ZNF787: variants seen among roughly 807,000 people sequenced by gnomAD.
The protein encoded by ZNF787 is zinc finger protein 787, also known as TTF-I-interacting peptide 20.
A neutral mutation model predicts 16.9 loss-of-function variants in ZNF787; 7 were observed. The ratio of observed to expected loss-of-function variants is 0.42; its 90% CI spans 0.24 to 0.78. ZNF787 has a LOEUF of 0.78. ZNF787 is among the 30% of genes least tolerant of loss of function. The probability of loss-of-function intolerance (pLI) is 0.30; values close to 1 mark genes in which losing one functional copy is unlikely to be tolerated. For synonymous variants in ZNF787, 345 were observed against 270.9 expected (o/e 1.27, Z -2.69); for missense variants, 551 against 589.3 (o/e 0.94, Z 0.67).
At chr19:56,089,953 G>C (rs1449327807) in intron 2 of ZNF787, among the ~76,000 whole-genome samples, 2 of 152,158 alleles carry the variant, frequency 1.3e-5, no homozygotes, top group African/African-American at 4.8e-5. Flanking sequence ...TTCTACATTT[G>C]CTCTCCCTTG....
Position 56,096,810 on chromosome 19 carries a change from A to C in ZNF787, c.79+6329T>G, listed in dbSNP as rs57282625. ...CCCGTGCTCACCCGAGGGCAGCCAG[A>C]ACTCCAGCTGTAAGACACCGGCTGA... is the stretch of plus-strand genomic sequence containing the variant. On this transcript the variant is annotated intron_variant, in intron 2 of 2. Coordinates refer to ENST00000610935, the MANE Select transcript of ZNF787 (RefSeq NM_001002836.4). Among the ~76,000 whole-genome samples, 232 of 152,348 alleles carry C rather than the reference A, an allele frequency of 1.5e-3. 7 individuals are homozygous for C. In the East Asian group the frequency reaches 0.042, roughly 28 times the overall value.
chr19:56,118,731 G>C (rs536345216), intron 1 of ZNF787, among the ~76,000 whole-genome samples: 2 of 152,302 alleles, frequency 1.3e-5, no homozygotes, highest in East Asian at 3.9e-4. Flanking sequence ...CACTAGGCTG[G>C]AGGCCTCAGG....
chr19:56,088,399 G>T lies in ZNF787; in HGVS notation c.773C>A (p.Ala258Asp). 1 of 1,107,406 alleles carries T rather than the reference G, an allele frequency of 9.0e-7. No individual in the cohort carries two copies. Among genetic ancestry groups the T allele is most frequent in the Non-Finnish European group, 1.1e-6 (1 of 909,038 alleles). The allele number at this position is 1,107,406 out of a possible 1,614,324, so 68.6% of individuals were successfully genotyped here. A position where few individuals can be genotyped will look rare whatever the true frequency, so the allele number is the denominator to read the frequency against. Reference sequence around the variant, plus strand: ...GGCCTTTGCCCCCGCGCCCGCCATGGCTGCCGCGGCCGCGGCCCCCTCGCC... The same window carrying T: ...GGCCTTTGCCCCCGCGCCCGCCATGTCTGCCGCGGCCGCGGCCCCCTCGCC... ...APGEGAAAAA[A>D]MAGAGAKAAG... Residue 258 changes from alanine to aspartate, a missense_variant, in exon 3 of 3, where the codon GCC becomes GAC. Ala to Asp is a moderately radical substitution (Grantham distance 126). This residue lies in a region of ZNF787 where 392 missense variants were observed against 312.7 expected (regional missense o/e 1.25). Coordinates refer to ENST00000610935, the MANE Select transcript of ZNF787 (RefSeq NM_001002836.4). This position sits in a 1 kb window ranked among gnomAD's most constrained non-coding sequence, Gnocchi z 8.6.
chr19:56,111,103 C>T (rs771848308), intron 1 of ZNF787, among the ~76,000 whole-genome samples: 1 of 152,218 alleles, frequency 6.6e-6, no homozygotes, highest in Non-Finnish European at 1.5e-5. Context: ...GTTCCTAAAG[C>T]CTAAAATGTT....
intron 2 of ZNF787, among the ~76,000 whole-genome samples, chr19:56,093,684 C>T (rs376094226): frequency 1.3e-5 from 2 of 152,168 alleles, no homozygotes; most frequent in Non-Finnish European, 2.9e-5. Context: ...TGTCTGTACC[C>T]TTCCCATCTG....
Position 56,087,939 on chromosome 19 carries a change from T to G in ZNF787, c.*84A>C, listed in dbSNP as rs989269240. The stretch of plus-strand genomic sequence containing the variant: ...CGGGGTCCATCGCACCCCGTCCGCT[T>G]CTCCCTGGGTCTCTTGGTCTTGCAC... On this transcript the variant is annotated 3_prime_UTR_variant, in exon 3 of 3. Coordinates refer to ENST00000610935, the MANE Select transcript of ZNF787 (RefSeq NM_001002836.4). 2.7e-5 allele frequency: 35 copies of G among 1,287,574 alleles called. No individual in the cohort carries two copies. The highest frequency in any genetic ancestry group is 1.8e-4 in the African/African-American group (11 of 62,674). The allele number at this position is 1,287,574 out of a possible 1,614,324, so 79.8% of individuals were successfully genotyped here. A position where few individuals can be genotyped will look rare whatever the true frequency, so the allele number is the denominator to read the frequency against.
chr19:56,108,484 C>T (rs905968441), intron 1 of ZNF787, among the ~76,000 whole-genome samples: 1 of 151,960 alleles, frequency 6.6e-6, no homozygotes, highest in African/African-American at 2.4e-5. Context: ...AGGTGAGGGC[C>T]ACCTCCTCAG....
rs749786753 is a variant in ZNF787, at chr19:56,088,805, C to G, written c.367G>C (p.Ala123Pro). 2.5e-6 allele frequency: 4 copies of G among 1,610,744 alleles called. No homozygotes were observed. The highest frequency in any genetic ancestry group is 3.4e-6 in the Non-Finnish European group (4 of 1,178,826). Residue 123 changes from alanine (A) to proline (P), a missense_variant, in exon 3 of 3, where the codon GCC becomes CCC. Transcript: ENST00000610935. The surrounding 1 kb of genome is among the most constrained non-coding windows in gnomAD (Gnocchi z 8.6). The stretch of plus-strand genomic sequence containing the variant: ...AAGCGCTTGCCGCACTCCAAGCAGG[C>G]GTAGGGCTTCTCGCCCGTGTGGATG... ...RRIHTGEKPY[A>P]CLECGKRFSW...
At position 56,087,820 on chromosome 19, in the gene ZNF787, T is replaced by G. The variant is rs551684284; in HGVS notation, c.*203A>C. 3.3e-5 allele frequency: 27 copies of G among 809,784 alleles called. No individual in the cohort carries two copies. The highest frequency in any genetic ancestry group is 4.9e-5 in the South Asian group (1 of 20,286). The allele number at this position is 809,784 out of a possible 1,614,324, so 50.2% of individuals were successfully genotyped here. A position where few individuals can be genotyped will look rare whatever the true frequency, so the allele number is the denominator to read the frequency against. Reference sequence around the variant, plus strand: ...GGCGGGCCAGGCTGAGGGGGCAGAGTCTCGAGGCGGAGAAGTGAACGGGCC... The same window carrying G: ...GGCGGGCCAGGCTGAGGGGGCAGAGGCTCGAGGCGGAGAAGTGAACGGGCC... On this transcript the variant is annotated 3_prime_UTR_variant, in exon 3 of 3. Coordinates refer to ENST00000610935, the MANE Select transcript of ZNF787 (RefSeq NM_001002836.4).
intron 1 of ZNF787, among the ~76,000 whole-genome samples, chr19:56,115,302 C>T (rs544186260): frequency 5.9e-5 from 9 of 151,690 alleles, no homozygotes; most frequent in East Asian, 3.9e-4. Context: ...TTGTCCCGTG[C>T]TCTGGCCCCT....
chr19:56,091,639 GC>G (rs553875488), intron 2 of ZNF787, among the ~76,000 whole-genome samples: 176 of 152,362 alleles, frequency 1.2e-3, no homozygotes, highest in South Asian at 4.6e-3. Flanking sequence ...TCTGCTTTAG[GC>G]CGTAGGCGAT....
chr19:56,094,692 G>T (rs1250023530), intron 2 of ZNF787, among the ~76,000 whole-genome samples: 2 of 152,212 alleles, frequency 1.3e-5, no homozygotes, highest in South Asian at 2.1e-4. Flanking sequence ...ACAATCAGCG[G>T]CCCCCAACCT....
At chr19:56,118,025 G>A (rs2030187522) in intron 1 of ZNF787, among the ~76,000 whole-genome samples, 2 of 152,244 alleles carry the variant, frequency 1.3e-5, no homozygotes, top group Non-Finnish European at 2.9e-5. Context: ...AAAACGTCAC[G>A]AAAAACAGCC....
chr19:56,115,636 G>GTTTC (rs1167195662), intron 1 of ZNF787, among the ~76,000 whole-genome samples: 1 of 152,164 alleles, frequency 6.6e-6, no homozygotes, highest in Admixed American at 6.5e-5. Context: ...CCTCCCAAAG[G>GTTTC]TTTCCCGCAT....
At position 56,107,848 on chromosome 19, in the gene ZNF787, C is replaced by T. The variant is rs1282670311; in HGVS notation, c.-10-4621G>A. On this transcript the variant is annotated intron_variant, in intron 1 of 2. Coordinates refer to ENST00000610935, the MANE Select transcript of ZNF787 (RefSeq NM_001002836.4). ...GCTGGGGGCTGCGGGAGAGGCCGCT[C>T]GAAGGCCGGGCATGCTGGGGGCTGC... Among the ~76,000 whole-genome samples the T allele has an allele frequency of 3.4e-3, 491 of 143,910 alleles. 2 individuals carry two copies. The highest frequency in any genetic ancestry group is 0.012 in the African/African-American group (438 of 36,420). The allele number at this position is 143,910 out of a possible 152,430, so 94.4% of individuals were successfully genotyped here.
intron 2 of ZNF787, among the ~76,000 whole-genome samples, chr19:56,098,811 G>T (rs1237832362): frequency 7.5e-6 from 1 of 133,892 alleles, no homozygotes; most frequent in East Asian, 2.9e-4. Context: ...GGGTGATGCT[G>T]CCCGGGTGAT....
chr19:56,107,687 G>A (rs2123419036), intron 1 of ZNF787, among the ~76,000 whole-genome samples: 1 of 146,676 alleles, frequency 6.8e-6, no homozygotes, highest in East Asian at 2.0e-4. Context: ...AGGGAGGGGG[G>A]TCTAGGGGGA....
chr19:56,107,655 G>T (rs980798768), intron 1 of ZNF787, among the ~76,000 whole-genome samples: 8 of 151,866 alleles, frequency 5.3e-5, no homozygotes, highest in Admixed American at 4.6e-4. Flanking sequence ...AGCACACGGG[G>T]AGGGGGGCCT....
At chr19:56,104,949 C>T (rs1019044550) in intron 1 of ZNF787, among the ~76,000 whole-genome samples, 4 of 152,008 alleles carry the variant, frequency 2.6e-5, no homozygotes, top group East Asian at 1.9e-4. Flanking sequence ...GCCAGCATGG[C>T]GAAACCCCAT....
Sources: allele counts gnomAD v4.1 joint callset (sites outside exome capture counted in the v4.1 genomes callset), GRCh38; gene constraint gnomAD v4.1.1; regional missense constraint gnomAD v4.1.1; non-coding constraint Gnocchi (gnomAD v3.1); transcripts MANE v1.5; gene names NCBI Gene and HGNC (gene_info 2026-07-23, HGNC 2026-07-21).